CPT1A: variants seen among roughly 807,000 people sequenced by gnomAD.
The protein encoded by CPT1A is carnitine palmitoyltransferase 1A.
CPT1A carries 64 observed loss-of-function variants against 100.8 expected under a neutral mutation model. That is an observed-to-expected ratio of 0.63 (90% CI 0.52 to 0.78). The LOEUF (loss-of-function observed/expected upper bound fraction) is 0.78, where lower values mean the gene tolerates loss of function less well. Ranked by LOEUF, CPT1A falls within the 30% of genes least tolerant of loss-of-function variation. The pLI is 0.00. For synonymous variants in CPT1A, 363 were observed against 396.0 expected, an observed-to-expected ratio of 0.92 and a Z score of 0.99; for missense variants, 802 against 1,034.1, an observed-to-expected ratio of 0.78 and a Z score of 3.08.
rs1463640534 is a variant in CPT1A at position 68,807,465 on chromosome 11, A to T, written c.453+2T>A. The stretch of plus-strand genomic sequence containing the variant: ...TCCACAGCCAGAGGGACACGCAATT[A>T]CCATCCAGATCTTGGTGGCACGACT... On this transcript the variant is annotated splice_donor_variant, in intron 4 of 18. Coordinates refer to ENST00000265641, the MANE Select transcript of CPT1A (RefSeq NM_001876.4). LOFTEE classifies it high-confidence loss of function. 3 of 1,613,618 alleles carry T rather than the reference A, an allele frequency of 1.9e-6. No individual in the cohort carries two copies. Among genetic ancestry groups the T allele is most frequent in the Admixed American group, 1.7e-5 (1 of 59,930 alleles).
rs955201999 is a variant in CPT1A at position 68,758,763 on chromosome 11, C to T, written c.2235+806G>A. Among the ~76,000 whole-genome samples the T allele has an allele frequency of 4.6e-5, 7 of 151,894 alleles. No homozygotes were observed. In the East Asian group the frequency reaches 5.8e-4, roughly 13 times the overall value. ...CCTCCTGAGTAGCTGGGATTACAGGCGTGTGCCACCACACCAGCTAAGTTT... is the reference window on the plus strand; with the variant it reads ...CCTCCTGAGTAGCTGGGATTACAGGTGTGTGCCACCACACCAGCTAAGTTT... On this transcript the variant is annotated intron_variant, in intron 18 of 18. Transcript: ENST00000265641.
chr11:68,784,825 C>G lies in CPT1A; in HGVS notation c.1153G>C (p.Ala385Pro). The G allele has an allele frequency of 6.2e-7, 1 of 1,609,616 alleles. No individual in the cohort carries two copies. Among genetic ancestry groups the G allele is most frequent in the Non-Finnish European group, 8.5e-7 (1 of 1,179,898 alleles). ...PGEARLAALT[A>P]GDRVPWARCR... ...ACCTAGGCTGCGCACCTGTCTCCTG[C>G]GGTGAGGGCTGCCAGCCTGGCCTCC... The change falls in exon 10 of 19, where the codon GCA becomes CCA. Residue 385 changes from alanine to proline, a missense_variant. By Grantham distance (27) the Ala-to-Pro change is conservative. Around this residue, in one of 4 missense-constraint regions of CPT1A, gnomAD observed 627 missense variants for 799.3 expected, o/e 0.78. Transcript: ENST00000265641.
At position 68,796,840 on chromosome 11, in the gene CPT1A, G is replaced by A. The variant is rs1323194775; in HGVS notation, c.771+16C>T. ...CACCGTCCTCGTCAGACAGCAGCCC[G>A]GGCGGGTGGACTCACCATGGCATAA... On this transcript the variant is annotated intron_variant, in intron 7 of 18. Transcript: ENST00000265641. 9.9e-6 allele frequency: 16 copies of A among 1,612,846 alleles called. No homozygotes were observed. The highest frequency in any genetic ancestry group is 4.5e-5 in the East Asian group (2 of 44,814).
At chr11:68,817,753 G>A (rs1313047274) in intron 1 of CPT1A, among the ~76,000 whole-genome samples, 1 of 149,092 alleles carries the variant, frequency 6.7e-6, no homozygotes, top group Non-Finnish European at 1.5e-5. Context: ...AGGCTGTTGG[G>A]GGGGGGTCAG....
intron 14 of CPT1A, among the ~76,000 whole-genome samples, chr11:68,769,517 C>T (rs960478733): frequency 1.3e-5 from 2 of 151,658 alleles, no homozygotes; most frequent in Admixed American, 6.6e-5. Context: ...ACCCAAAGTG[C>T]TAGGATTATA....
At chr11:68,768,646 T>C (rs1329998023) in intron 14 of CPT1A, among the ~76,000 whole-genome samples, 3 of 152,090 alleles carry the variant, frequency 2.0e-5, no homozygotes, top group Non-Finnish European at 4.4e-5. Context: ...CCTCAAGTGA[T>C]CCACCTGCCT....
intron 12 of CPT1A, among the ~76,000 whole-genome samples, chr11:68,776,890 T>G (rs553360319): frequency 6.6e-6 from 1 of 152,270 alleles, no homozygotes; most frequent in African/African-American, 2.4e-5. Flanking sequence ...CTAAAAAAAT[T>G]AAGTTTTTTT....
At chr11:68,827,865 G>A (rs913628199) in intron 1 of CPT1A, among the ~76,000 whole-genome samples, 1 of 152,138 alleles carries the variant, frequency 6.6e-6, no homozygotes, top group Non-Finnish European at 1.5e-5. Flanking sequence ...GTTCCAAGCT[G>A]CCCCATGCCC....
chr11:68,782,037 A>C, intron 10 of CPT1A, 78 bp from the exon 11 acceptor site: 2 of 1,347,970 alleles, frequency 1.5e-6, no homozygotes, highest in Middle Eastern at 1.9e-4. Context: ...GACACAATCA[A>C]ACCTTTGCAG....
intron 12 of CPT1A, among the ~76,000 whole-genome samples, chr11:68,779,167 C>T (rs946892541): frequency 1.3e-5 from 2 of 152,190 alleles, no homozygotes; most frequent in African/African-American, 4.8e-5. Flanking sequence ...CAGCTGGGCC[C>T]TGTCTCCCAC....
chr11:68,828,217 G>A (rs1159434713), intron 1 of CPT1A, among the ~76,000 whole-genome samples: 1 of 152,116 alleles, frequency 6.6e-6, no homozygotes, highest in Admixed American at 6.6e-5. Context: ...ATCTCCCTGT[G>A]TCTCCCAAGT....
intron 1 of CPT1A, among the ~76,000 whole-genome samples, chr11:68,823,262 A>G (rs1260835187): frequency 6.6e-6 from 1 of 152,112 alleles, no homozygotes; most frequent in Non-Finnish European, 1.5e-5. Context: ...AAAAAACCCA[A>G]ACTCACCGAA....
At chr11:68,796,278 C>T (rs1026558787) in intron 7 of CPT1A, among the ~76,000 whole-genome samples, 3 of 151,604 alleles carry the variant, frequency 2.0e-5, no homozygotes, top group South Asian at 4.2e-4. Context: ...CAGGACAGGC[C>T]GGGCACGGTG....
intron 1 of CPT1A, chr11:68,818,628 GT>G (rs1385600087): frequency 1.3e-5 from 2 of 152,720 alleles, no homozygotes; most frequent in African/African-American, 4.8e-5. Flanking sequence ...GGAGGCTGAC[GT>G]GGGAGGATCG....
At chr11:68,843,943 T>G (rs1420973690), upstream of CPT1A, among the ~76,000 whole-genome samples, 1 of 152,132 alleles carries the variant, frequency 6.6e-6, no homozygotes, top group African/African-American at 2.4e-5. This position sits in a 1 kb window ranked among gnomAD's most constrained non-coding sequence, Gnocchi z 4.0. Flanking sequence ...CACCGACAGG[T>G]CCCCGCTCCA....
intron 9 of CPT1A, among the ~76,000 whole-genome samples, chr11:68,786,815 C>T (rs1344305092): frequency 6.6e-6 from 1 of 152,214 alleles, no homozygotes; most frequent in African/African-American, 2.4e-5. Flanking sequence ...AGGCATGAGA[C>T]ACTGCACCTG....
intron 14 of CPT1A, among the ~76,000 whole-genome samples, chr11:68,766,106 A>G (rs1430417972): frequency 6.6e-6 from 1 of 152,020 alleles, no homozygotes; most frequent in Non-Finnish European, 1.5e-5. Flanking sequence ...CCTGACCTCA[A>G]GTGATCCACC....
At chr11:68,819,102 G>T (rs1408958588) in intron 1 of CPT1A, among the ~76,000 whole-genome samples, 2 of 151,754 alleles carry the variant, frequency 1.3e-5, no homozygotes, top group South Asian at 2.1e-4. Context: ...TTTTTGAGAC[G>T]GAGTCTCACT....
intron 15 of CPT1A, among the ~76,000 whole-genome samples, chr11:68,762,210 A>C (rs1284027334): frequency 6.6e-6 from 1 of 152,226 alleles, no homozygotes; most frequent in Non-Finnish European, 1.5e-5. Context: ...CCCAGGCCCC[A>C]GCCTGGCACT....
Sources: gnomAD v4.1 joint callset for allele counts (sites outside exome capture counted in the v4.1 genomes callset) on GRCh38, gnomAD v4.1.1 for gene constraint, gnomAD v4.1.1 regional missense constraint, Gnocchi (gnomAD v3.1) non-coding constraint, MANE v1.5 for transcripts, NCBI Gene and HGNC (gene_info 2026-07-23, HGNC 2026-07-21) for gene names.